PTGES: variants seen among roughly 807,000 people sequenced by gnomAD.
PTGES encodes the protein MGST1-like 1.
A neutral mutation model predicts 11.8 loss-of-function variants in PTGES; 3 were observed. That is an observed-to-expected ratio of 0.25 (90% confidence interval 0.12 to 0.66). The LOEUF (loss-of-function observed/expected upper bound fraction) is 0.66. PTGES is among the 30% of genes least tolerant of loss of function. PTGES has a pLI of 0.82. For synonymous variants in PTGES, 94 were observed against 90.4 expected, an observed-to-expected ratio of 1.04 and a Z score of -0.22; for missense variants, 180 against 213.0, an observed-to-expected ratio of 0.85 and a Z score of 0.96.
chr9:129,746,148 C>T (rs575236097), intron 2 of PTGES, among the ~76,000 whole-genome samples: 1 of 152,234 alleles, frequency 6.6e-6, no homozygotes, highest in South Asian at 2.1e-4. Context: ...TCTGTAAGGC[C>T]ACTTGGCCAC....
chr9:129,749,252 C>T lies in PTGES; in HGVS notation c.127-515G>A, dbSNP rs370695823. 9.3e-4 allele frequency among the ~76,000 whole-genome samples: 141 copies of T among 151,016 alleles called. 1 individual carries two copies. The highest frequency in any genetic ancestry group is 3.2e-3 in the African/African-American group (131 of 41,068). ...AAAACAAGCCAGGTGTGGTGGCTCA[C>T]GCCTGTGAGCCAAGCACTTTGGGAA... On this transcript the variant is annotated intron_variant, in intron 1 of 2. Coordinates refer to ENST00000340607, the MANE Select transcript of PTGES (RefSeq NM_004878.5).
At chr9:129,750,455 AC>A (rs879732986) in intron 1 of PTGES, among the ~76,000 whole-genome samples, 4 of 152,182 alleles carry the variant, frequency 2.6e-5, no homozygotes, top group Admixed American at 2.6e-4. Context: ...GATCTGTGAT[AC>A]GTTTCAAGGG....
intron 1 of PTGES, among the ~76,000 whole-genome samples, chr9:129,751,684 C>A (rs1448062965): frequency 6.6e-6 from 1 of 151,852 alleles, no homozygotes; most frequent in South Asian, 2.1e-4. Context: ...AAAACAGAAA[C>A]CCCCGCCTCC....
At chr9:129,749,795 G>A (rs1456668204) in intron 1 of PTGES, among the ~76,000 whole-genome samples, 2 of 152,202 alleles carry the variant, frequency 1.3e-5, no homozygotes, top group East Asian at 3.8e-4. Context: ...CATGTGTGAA[G>A]AACAGAAAAC....
At chr9:129,752,817 G>A in intron 1 of PTGES, 70 bp downstream of exon 1, 1 of 1,610,564 alleles carries the variant, frequency 6.2e-7, no homozygotes, top group Admixed American at 1.7e-5. Context: ...CCCTATCCCG[G>A]GGCTTTCCTG....
chr9:129,752,834 C>T (rs1360301496), intron 1 of PTGES, 53 bp downstream of exon 1: 19 of 1,612,884 alleles, frequency 1.2e-5, no homozygotes, highest in Middle Eastern at 1.6e-4. Flanking sequence ...CCTGACAGGA[C>T]GTGGAGAGAA....
intron 2 of PTGES, among the ~76,000 whole-genome samples, chr9:129,742,655 C>T (rs894104027): frequency 5.9e-5 from 9 of 152,044 alleles, no homozygotes; most frequent in South Asian, 4.1e-4. Flanking sequence ...GGGCGGATCA[C>T]GAGGTCAGGA....
At chr9:129,743,202 C>G (rs1342180477) in intron 2 of PTGES, among the ~76,000 whole-genome samples, 1 of 152,114 alleles carries the variant, frequency 6.6e-6, no homozygotes, top group Non-Finnish European at 1.5e-5. Context: ...TGGGGCTGGC[C>G]CAGCCCTCCC....
intron 2 of PTGES, among the ~76,000 whole-genome samples, chr9:129,741,168 A>T (rs1205868470): frequency 6.6e-6 from 1 of 152,192 alleles, no homozygotes; most frequent in Admixed American, 6.6e-5. Flanking sequence ...CAGAAGCCTG[A>T]ATGATGAGAA....
rs1832971016 is a variant in PTGES at position 129,739,442 on chromosome 9, ACGGG to A, written c.*165_*168del. On this transcript the variant is annotated 3_prime_UTR_variant, in exon 3 of 3. Transcript: ENST00000340607. This position sits in a 1 kb window ranked among gnomAD's most constrained non-coding sequence, Gnocchi z 5.7. ...AACATACACACACACATACACACACACGGGCACACACACAGGCCCACTGTGCCCA... is the reference window on the plus strand; with the variant it reads ...AACATACACACACACATACACACACACACACACACAGGCCCACTGTGCCCA... 3.4e-5 allele frequency: 30 copies of A among 888,754 alleles called. No individual in the cohort carries two copies. The highest frequency in any genetic ancestry group is 4.5e-5 in the Non-Finnish European group (27 of 600,560). 55.1% of individuals were successfully genotyped at this position (888,754 alleles called of 1,614,324 possible).
chr9:129,746,785 C>T (rs1297599072), intron 2 of PTGES, among the ~76,000 whole-genome samples: 2 of 152,184 alleles, frequency 1.3e-5, no homozygotes, highest in African/African-American at 2.4e-5. Flanking sequence ...GGAGTGCCAT[C>T]GCCTCACTCT....
chr9:129,742,738 G>A (rs1016132024), intron 2 of PTGES, among the ~76,000 whole-genome samples: 1 of 151,992 alleles, frequency 6.6e-6, no homozygotes, highest in Non-Finnish European at 1.5e-5. Context: ...CAGGCGTGGT[G>A]GCAGGCGCCT....
At chr9:129,746,160 C>A (rs893254402) in intron 2 of PTGES, among the ~76,000 whole-genome samples, 2 of 152,166 alleles carry the variant, frequency 1.3e-5, no homozygotes, top group African/African-American at 4.8e-5. Flanking sequence ...CTTGGCCACT[C>A]CTGTGCCACA....
intron 1 of PTGES, among the ~76,000 whole-genome samples, chr9:129,748,959 G>A (rs968464516): frequency 6.6e-6 from 1 of 152,186 alleles, no homozygotes; most frequent in Admixed American, 6.5e-5. Context: ...CAGTCCGATG[G>A]GGGAGTTGCC....
At chr9:129,750,062 C>T (rs887653747) in intron 1 of PTGES, among the ~76,000 whole-genome samples, 2 of 151,914 alleles carry the variant, frequency 1.3e-5, no homozygotes, top group African/African-American at 4.9e-5. Flanking sequence ...TAGGACAATG[C>T]CCAGCACAAG....
chr9:129,750,404 C>T (rs1833091477), intron 1 of PTGES, among the ~76,000 whole-genome samples: 1 of 152,204 alleles, frequency 6.6e-6, no homozygotes, highest in African/African-American at 2.4e-5. Context: ...TCTGCTGGCC[C>T]TGAAATCAGT....
rs371229977 is a variant in PTGES at position 129,739,255 on chromosome 9, TTAAA to T, written c.*352_*355del. 1.4e-3 allele frequency: 292 copies of T among 213,008 alleles called. 2 individuals are homozygous for T. Among genetic ancestry groups the T allele is most frequent in the African/African-American group, 5.7e-3 (246 of 43,380 alleles). 13.2% of individuals were successfully genotyped at this position (213,008 alleles called of 1,614,324 possible). On this transcript the variant is annotated 3_prime_UTR_variant, in exon 3 of 3. Transcript: ENST00000340607. This position sits in a 1 kb window ranked among gnomAD's most constrained non-coding sequence, Gnocchi z 5.7. ...CAGATGATCATTAGGTTTGGGAATC[TTAAA>T]TAGAGTCTCCCTTCTCTCTTTTCAC...
chr9:129,751,365 A>T (rs1223061492), intron 1 of PTGES, among the ~76,000 whole-genome samples: 1 of 149,300 alleles, frequency 6.7e-6, no homozygotes, highest in Non-Finnish European at 1.5e-5. Flanking sequence ...AAAAAAAGGA[A>T]TCGCTGGCCT....
intron 1 of PTGES, among the ~76,000 whole-genome samples, chr9:129,750,757 C>T (rs552559734): frequency 2.0e-5 from 3 of 152,324 alleles, no homozygotes; most frequent in South Asian, 2.1e-4. Flanking sequence ...GCTGCTGTCA[C>T]GACCCCCGTT....
Sources: allele counts gnomAD v4.1 joint callset (sites outside exome capture counted in the v4.1 genomes callset), GRCh38; gene constraint gnomAD v4.1.1; non-coding constraint Gnocchi (gnomAD v3.1); transcripts MANE v1.5; gene names NCBI Gene and HGNC (gene_info 2026-07-23, HGNC 2026-07-21).